Variants in ZMIZ1 observed in about 807,000 individuals in gnomAD.
ZMIZ1 encodes the protein zinc finger MIZ-type containing 1.
Under a neutral mutation model 113.9 loss-of-function variants are expected in ZMIZ1, and 17 were observed. That is an observed-to-expected ratio of 0.15 (90% CI 0.10 to 0.22). The LOEUF (loss-of-function observed/expected upper bound fraction) is 0.22, where lower values mean the gene tolerates loss of function less well. ZMIZ1 is among the 10% of genes least tolerant of loss of function. ZMIZ1 has a pLI of 1.00. For synonymous variants in ZMIZ1, 607 were observed against 603.1 expected, an observed-to-expected ratio of 1.01 and a Z score of -0.09; for missense variants, 1,059 against 1,477.8, an observed-to-expected ratio of 0.72 and a Z score of 4.65.
intron 21 of ZMIZ1, 53 bp downstream of exon 21, chr10:79,305,654 T>C: frequency 6.3e-7 from 1 of 1,579,524 alleles, no homozygotes; most frequent in Non-Finnish European, 8.7e-7. Flanking sequence ...AGGCCTGGAT[T>C]AGAGCAAGGT....
rs570460093 is a variant in ZMIZ1, at chr10:79,314,270, C to G, written c.*1521C>G. On this transcript the variant is annotated 3_prime_UTR_variant, in exon 25 of 25. Coordinates refer to ENST00000334512, the MANE Select transcript of ZMIZ1 (RefSeq NM_020338.4). Reference sequence around the variant, plus strand: ...ATGGCCTAGGGTGATGCCAGGTTGTCCCGTCACTGGGGTCCCATCTGTAAA... The same window carrying G: ...ATGGCCTAGGGTGATGCCAGGTTGTGCCGTCACTGGGGTCCCATCTGTAAA... 2.9e-4 allele frequency: 132 copies of G among 456,900 alleles called. No homozygotes were observed. The highest frequency in any genetic ancestry group is 2.0e-3 in the South Asian group (130 of 64,576). The allele number at this position is 456,900 out of a possible 1,614,324, so 28.3% of individuals were successfully genotyped here.
intron 1 of ZMIZ1, among the ~76,000 whole-genome samples, chr10:79,077,014 G>A (rs958905029): frequency 6.6e-6 from 1 of 152,094 alleles, no homozygotes; most frequent in Non-Finnish European, 1.5e-5. Context: ...CACTGACTTG[G>A]TCCTGCCTTC....
chr10:79,248,743 G>GA (rs1850360846), intron 7 of ZMIZ1, among the ~76,000 whole-genome samples: 1 of 152,162 alleles, frequency 6.6e-6, no homozygotes. Flanking sequence ...TGCTCTCCTG[G>GA]AAAAGAGAGG....
rs549172113 is a variant in ZMIZ1, at chr10:79,085,286, G to A, written c.-337+16016G>A. Among the ~76,000 whole-genome samples, 204 of 149,044 alleles carry A rather than the reference G, an allele frequency of 1.4e-3. 1 individual carries two copies. Among genetic ancestry groups the A allele is most frequent in the Non-Finnish European group, 2.3e-3 (157 of 67,200 alleles). On this transcript the variant is annotated intron_variant, in intron 1 of 24. Transcript: ENST00000334512. ...CAGCACCTGGGCAGGCTGGTTCTGG[G>A]GGCTCAGCACCAGTCACCAGGGCTC...
intron 8 of ZMIZ1, among the ~76,000 whole-genome samples, chr10:79,281,108 C>T (rs919499842): frequency 4.6e-5 from 7 of 152,196 alleles, no homozygotes; most frequent in African/African-American, 1.7e-4. Flanking sequence ...CCTGCTTGAC[C>T]GTGATTGTTC....
intron 7 of ZMIZ1, among the ~76,000 whole-genome samples, chr10:79,276,443 C>T (rs1355279467): frequency 6.6e-6 from 1 of 152,192 alleles, no homozygotes; most frequent in African/African-American, 2.4e-5. Context: ...TCTCTTATCC[C>T]GGATGTGGAT....
At chr10:79,177,426 C>T (rs1001114475) in intron 4 of ZMIZ1, among the ~76,000 whole-genome samples, 1 of 152,228 alleles carries the variant, frequency 6.6e-6, no homozygotes, top group Non-Finnish European at 1.5e-5. Context: ...CCTGTGCCCC[C>T]AGTTGACAAA....
chr10:79,137,839 C>T (rs946311245), intron 2 of ZMIZ1, among the ~76,000 whole-genome samples: 31 of 151,546 alleles, frequency 2.0e-4, no homozygotes, highest in African/African-American at 7.5e-4. Flanking sequence ...GGGGGGGGTG[C>T]TCCTAGGGTG....
chr10:79,298,804 G>A (rs368924437), intron 15 of ZMIZ1, among the ~76,000 whole-genome samples: 6 of 152,208 alleles, frequency 3.9e-5, no homozygotes, highest in African/African-American at 1.2e-4. Context: ...AAATCTATAC[G>A]CAGCCATGGA....
At chr10:79,154,622 T>C (rs1215671001) in intron 3 of ZMIZ1, among the ~76,000 whole-genome samples, 1 of 152,214 alleles carries the variant, frequency 6.6e-6, no homozygotes. Context: ...GCCCACCCTA[T>C]GGGGCCTGAT....
intron 12 of ZMIZ1, chr10:79,293,930 C>T (rs969690937): frequency 1.8e-6 from 1 of 557,280 alleles, no homozygotes; most frequent in African/African-American, 1.9e-5. Flanking sequence ...CATGTGCCGC[C>T]ACTCAGCAAG....
intron 1 of ZMIZ1, among the ~76,000 whole-genome samples, chr10:79,105,160 A>T (rs531743913): frequency 6.6e-6 from 1 of 152,346 alleles, no homozygotes; most frequent in Admixed American, 6.5e-5. Context: ...CTGATTCCCG[A>T]AAATTTAGAC....
chr10:79,192,825 C>T (rs1488679903), intron 4 of ZMIZ1, among the ~76,000 whole-genome samples: 6 of 152,292 alleles, frequency 3.9e-5, no homozygotes, highest in African/African-American at 1.2e-4. Context: ...GGGGCCCCAC[C>T]CTGTGCAATG....
At chr10:79,209,954 A>AGC (rs944972276) in intron 6 of ZMIZ1, among the ~76,000 whole-genome samples, 7 of 152,240 alleles carry the variant, frequency 4.6e-5, no homozygotes, top group African/African-American at 1.7e-4. Context: ...GTCAGAAGCC[A>AGC]GCACCATCTG....
intron 7 of ZMIZ1, among the ~76,000 whole-genome samples, chr10:79,218,586 T>TGG (rs1363550698): frequency 6.8e-6 from 1 of 146,240 alleles, no homozygotes; most frequent in Admixed American, 6.8e-5. Flanking sequence ...ATTAGAGGGG[T>TGG]GTGTGTGTGT....
intron 8 of ZMIZ1, among the ~76,000 whole-genome samples, chr10:79,280,510 AACAATCCTACCACCTTG>A (rs896450407): frequency 3.3e-5 from 5 of 152,076 alleles, no homozygotes; most frequent in African/African-American, 1.2e-4. Flanking sequence ...CCTGGGCTCA[AACAATCCTACCACCTTG>A]GCCTCCCAAC....
At chr10:79,242,376 C>A (rs1033766412) in intron 7 of ZMIZ1, among the ~76,000 whole-genome samples, 2 of 152,130 alleles carry the variant, frequency 1.3e-5, no homozygotes, top group South Asian at 2.1e-4. Flanking sequence ...CGGGAGCGTA[C>A]GTGCGCGTGT....
chr10:79,117,580 G>A (rs185137882), intron 1 of ZMIZ1, among the ~76,000 whole-genome samples: 12 of 152,346 alleles, frequency 7.9e-5, no homozygotes, highest in African/African-American at 2.6e-4. Context: ...GAATTGCCTT[G>A]CTACGAGCAT....
chr10:79,083,983 A>G (rs1842734668), intron 1 of ZMIZ1, among the ~76,000 whole-genome samples: 1 of 152,150 alleles, frequency 6.6e-6, no homozygotes. Flanking sequence ...GAATTCTGAT[A>G]TTCTGCATTT....
Sources: gnomAD v4.1 joint callset for allele counts (sites outside exome capture counted in the v4.1 genomes callset) on GRCh38, gnomAD v4.1.1 for gene constraint, MANE v1.5 for transcripts, NCBI Gene and HGNC (gene_info 2026-07-23, HGNC 2026-07-21) for gene names.